GBP7: variants seen among roughly 807,000 people sequenced by gnomAD.
GBP7 encodes the protein guanylate-binding protein 7.
A neutral mutation model predicts 61.3 loss-of-function variants in GBP7; 43 were observed. The ratio of observed to expected loss-of-function variants is 0.70; its 90% CI spans 0.55 to 0.91. The LOEUF is 0.91. Ranked by LOEUF, GBP7 falls within the 40% of genes least tolerant of loss-of-function variation. GBP7 has a pLI of 0.00. For missense variants in GBP7, 717 were observed against 740.5 expected (o/e 0.97, Z 0.37); for synonymous variants, 267 against 271.0 (o/e 0.99, Z 0.14).
At chr1:89,146,378 T>C (rs1303796708) in intron 8 of GBP7, among the ~76,000 whole-genome samples, 1 of 152,136 alleles carries the variant, frequency 6.6e-6, no homozygotes. Flanking sequence ...CAATGATATT[T>C]TTGAATTTCA....
chr1:89,166,858 G>A (rs1647457447), intron 2 of GBP7, among the ~76,000 whole-genome samples: 1 of 152,232 alleles, frequency 6.6e-6, no homozygotes, highest in Non-Finnish European at 1.5e-5. Flanking sequence ...CTTCTGTGAA[G>A]ACTCTCTCTT....
chr1:89,147,494 G>C (rs1446468285), intron 8 of GBP7, 73 bp downstream of exon 8: 1 of 1,186,000 alleles, frequency 8.4e-7, no homozygotes, highest in South Asian at 1.3e-5. Flanking sequence ...TGTGTTCTTA[G>C]ATTTTCAGAA....
chr1:89,142,323 T>A (rs1206698420), intron 8 of GBP7, among the ~76,000 whole-genome samples: 2 of 152,182 alleles, frequency 1.3e-5, no homozygotes, highest in African/African-American at 4.8e-5. Flanking sequence ...AATGGTATTA[T>A]CACTTCAACC....
rs1336573550 is a variant in GBP7, at chr1:89,155,283, C to A, written c.319-2506G>T. On this transcript the variant is annotated intron_variant, in intron 3 of 10. Transcript: ENST00000294671. ...CAGAAAAGCTGAAAATTCTAAAAATCAGAGCACCCCTTCTCCTCCAAAGGA... is the reference window on the plus strand; with the variant it reads ...CAGAAAAGCTGAAAATTCTAAAAATAAGAGCACCCCTTCTCCTCCAAAGGA... Among the ~76,000 whole-genome samples the A allele has an allele frequency of 3.3e-5, 5 of 152,292 alleles. No individual in the cohort carries two copies. The East Asian group carries it at 9.7e-4, about 29-fold the overall frequency.
At chr1:89,136,433 TAAA>T (rs371940252) in intron 9 of GBP7, among the ~76,000 whole-genome samples, 2 of 146,138 alleles carry the variant, frequency 1.4e-5, no homozygotes, top group Non-Finnish European at 1.5e-5. Flanking sequence ...TCTCAACAAA[TAAA>T]AAAAAAACCC....
At chr1:89,150,208 A>G (rs1187498041) in intron 6 of GBP7, 122 bp downstream of exon 6, 1 of 897,262 alleles carries the variant, frequency 1.1e-6, no homozygotes, top group African/African-American at 1.7e-5. Context: ...TCCTTCACTT[A>G]TCCCACACCT....
chr1:89,164,961 A>T, intron 2 of GBP7, 103 bp from the exon 3 acceptor site: 1 of 1,160,974 alleles, frequency 8.6e-7, no homozygotes, highest in Non-Finnish European at 1.2e-6. Flanking sequence ...TGGCAGGGGA[A>T]ACGGGTTGCT....
chr1:89,172,068 C>G, intron 1 of GBP7, 114 bp from the exon 2 acceptor site: 1 of 722,962 alleles, frequency 1.4e-6, no homozygotes. Flanking sequence ...TTGTGCATTT[C>G]TAAGGAGACC....
chr1:89,168,326 C>G (rs940055566), intron 2 of GBP7, among the ~76,000 whole-genome samples: 10 of 152,046 alleles, frequency 6.6e-5, no homozygotes, highest in African/African-American at 2.4e-4. Flanking sequence ...GTGCTTTGGC[C>G]AAAATCTAGA....
intron 8 of GBP7, among the ~76,000 whole-genome samples, chr1:89,143,521 T>A (rs1681999080): frequency 6.6e-6 from 1 of 152,148 alleles, no homozygotes; most frequent in Non-Finnish European, 1.5e-5. Flanking sequence ...TACATTTAAT[T>A]TTTTTTATTT....
intron 8 of GBP7, among the ~76,000 whole-genome samples, chr1:89,145,167 G>A (rs1682036827): frequency 6.6e-6 from 1 of 151,986 alleles, no homozygotes; most frequent in African/African-American, 2.4e-5. Context: ...TGGCCAGGAT[G>A]GACTTGATCT....
chr1:89,156,447 T>C (rs192707182), intron 3 of GBP7, among the ~76,000 whole-genome samples: 12 of 152,276 alleles, frequency 7.9e-5, no homozygotes, highest in Non-Finnish European at 1.5e-4. Flanking sequence ...GTGTGCTGTA[T>C]TCAAGAGACC....
chr1:89,169,227 C>G (rs1045999267), intron 2 of GBP7, among the ~76,000 whole-genome samples: 7 of 152,130 alleles, frequency 4.6e-5, no homozygotes, highest in Non-Finnish European at 8.8e-5. Flanking sequence ...GTGAAAAACC[C>G]TGTGACCTTT....
At chr1:89,170,681 G>A (rs1442947166) in intron 2 of GBP7, among the ~76,000 whole-genome samples, 1 of 152,172 alleles carries the variant, frequency 6.6e-6, no homozygotes, top group Admixed American at 6.5e-5. Flanking sequence ...AAGCAAAATG[G>A]AGTCACTTAT....
At chr1:89,150,727 T>C (rs752447922) in intron 5 of GBP7, 152 bp from the exon 6 acceptor site, 15 of 777,568 alleles carry the variant, frequency 1.9e-5, no homozygotes, top group Non-Finnish European at 2.7e-5. Flanking sequence ...ACCAAACTTA[T>C]GCTAATCTAC....
chr1:89,135,993 AAAG>A (rs1681792409), intron 9 of GBP7, among the ~76,000 whole-genome samples: 1 of 152,234 alleles, frequency 6.6e-6, no homozygotes, highest in Non-Finnish European at 1.5e-5. Flanking sequence ...TGGAAAACAA[AAAG>A]AGCAGGGGTT....
intron 8 of GBP7, among the ~76,000 whole-genome samples, chr1:89,143,264 CTGA>C (rs1490370147): frequency 6.6e-6 from 1 of 152,080 alleles, no homozygotes; most frequent in African/African-American, 2.4e-5. Flanking sequence ...GTGAAATTAC[CTGA>C]CCTGTACTAG....
chr1:89,165,157 G>A (rs991315277), intron 2 of GBP7, among the ~76,000 whole-genome samples: 12 of 152,074 alleles, frequency 7.9e-5, no homozygotes, highest in African/African-American at 1.9e-4. Flanking sequence ...CCTTTCATAC[G>A]TTGGAACTTC....
At chr1:89,140,460 G>GA (rs56788095) in intron 9 of GBP7, among the ~76,000 whole-genome samples, 1,603 of 143,868 alleles carry the variant, frequency 0.011, 38 homozygotes, top group African/African-American at 0.037. Flanking sequence ...AAAAAAAACT[G>GA]AAAAAAAAAA....
Sources: gnomAD v4.1 joint callset for allele counts (sites outside exome capture counted in the v4.1 genomes callset) on GRCh38, gnomAD v4.1.1 for gene constraint, MANE v1.5 for transcripts, NCBI Gene and HGNC (gene_info 2026-07-23, HGNC 2026-07-21) for gene names.